The following HNRNPC variants were observed in gnomAD, a reference collection of about 807,000 sequenced individuals.
HNRNPC encodes the protein heterogeneous nuclear ribonucleoprotein C.
In HNRNPC, 3 loss-of-function variants were observed where a neutral mutation model predicts 33.2. The ratio of observed to expected loss-of-function variants is 0.09; its 90% CI spans 0.04 to 0.23. The LOEUF is 0.23. Among genes scored for constraint, HNRNPC ranks in the 10% least tolerant of loss-of-function variants. The pLI is 1.00. For missense variants in HNRNPC, 143 were observed against 366.7 expected (o/e 0.39, Z 4.98); for synonymous variants, 121 against 126.7 (o/e 0.96, Z 0.30).
chr14:21,230,685 G>A (rs1894014698), intron 4 of HNRNPC: 1 of 479,926 alleles, frequency 2.1e-6, no homozygotes, highest in African/African-American at 2.0e-5. Flanking sequence ...ACTCTCTAGT[G>A]TCTTAGAAGC....
chr14:21,249,601 A>C (rs917358869), intron 2 of HNRNPC, among the ~76,000 whole-genome samples: 20 of 146,508 alleles, frequency 1.4e-4, no homozygotes, highest in African/African-American at 4.7e-4. Context: ...AACAAAAAAA[A>C]AAAAAAAAAA....
chr14:21,223,710 T>G (rs149491668), intron 5 of HNRNPC, among the ~76,000 whole-genome samples: 1 of 152,192 alleles, frequency 6.6e-6, no homozygotes, highest in Non-Finnish European at 1.5e-5. Context: ...GATGCGCCAC[T>G]GCACTCGAGC....
chr14:21,245,566 A>G (rs969663502), intron 2 of HNRNPC, among the ~76,000 whole-genome samples: 6 of 152,142 alleles, frequency 3.9e-5, no homozygotes, highest in African/African-American at 1.4e-4. Flanking sequence ...AGCTTTTAGG[A>G]CTGAACGTTG....
chr14:21,268,441 CA>C (rs369801709), intron 1 of HNRNPC, among the ~76,000 whole-genome samples: 1 of 152,112 alleles, frequency 6.6e-6, no homozygotes, highest in Non-Finnish European at 1.5e-5. Context: ...AGGTTCTTGG[CA>C]AAGATTGCAA....
intron 2 of HNRNPC, among the ~76,000 whole-genome samples, chr14:21,257,339 T>G (rs1040645756): frequency 6.6e-6 from 1 of 152,004 alleles, no homozygotes; most frequent in African/African-American, 2.4e-5. Flanking sequence ...AGAAAGAAGT[T>G]TAACATGTAA....
At chr14:21,248,180 C>G (rs1896213155) in intron 2 of HNRNPC, among the ~76,000 whole-genome samples, 1 of 151,762 alleles carries the variant, frequency 6.6e-6, no homozygotes. Flanking sequence ...TTATCTCCAC[C>G]AAAATTAAAA....
chr14:21,229,969 C>T (rs976438992), intron 5 of HNRNPC, among the ~76,000 whole-genome samples: 5 of 152,198 alleles, frequency 3.3e-5, no homozygotes, highest in Non-Finnish European at 7.3e-5. Context: ...TGGTAACACT[C>T]TTAAGCACAT....
At chr14:21,227,531 T>A (rs2139600896) in intron 5 of HNRNPC, among the ~76,000 whole-genome samples, 1 of 152,332 alleles carries the variant, frequency 6.6e-6, no homozygotes, top group South Asian at 2.1e-4. Context: ...CGGTTTTGCT[T>A]TTTACCGTTC....
chr14:21,267,113 A>C (rs1238903741), intron 1 of HNRNPC, among the ~76,000 whole-genome samples: 57 of 64,788 alleles, frequency 8.8e-4, no homozygotes, highest in South Asian at 2.9e-3. Flanking sequence ...AAAAAAAAAA[A>C]AAAAAAAAAA....
At chr14:21,266,423 T>G (rs1371474307) in intron 1 of HNRNPC, among the ~76,000 whole-genome samples, 1 of 152,064 alleles carries the variant, frequency 6.6e-6, no homozygotes. Flanking sequence ...TTAAACAAAA[T>G]GCCTGACCTT....
rs76691950 is a variant in HNRNPC, at chr14:21,233,251, A to G, written c.241+702T>C. Among the ~76,000 whole-genome samples, 924 of 152,334 alleles carry G rather than the reference A, an allele frequency of 6.1e-3. 10 individuals are homozygous for G. Among genetic ancestry groups the G allele is most frequent in the African/African-American group, 0.02 (831 of 41,572 alleles). On this transcript the variant is annotated intron_variant, in intron 3 of 8. Coordinates refer to ENST00000553300, the MANE Select transcript of HNRNPC (RefSeq NM_004500.4). ...AAATTATGTATCTGGTTGGTTACAT[A>G]ACATTATCAAAGAATTGTTTCACAT...
At chr14:21,263,427 C>G (rs1411097923) in intron 1 of HNRNPC, 91 bp from the exon 2 acceptor site, 1 of 152,240 alleles carries the variant, frequency 6.6e-6, no homozygotes, top group Non-Finnish European at 1.5e-5. Flanking sequence ...TTTTCTCTTT[C>G]CAAAAGCAGT....
At chr14:21,238,473 G>T (rs74037744) in intron 2 of HNRNPC, among the ~76,000 whole-genome samples, 44 of 152,230 alleles carry the variant, frequency 2.9e-4, no homozygotes, top group African/African-American at 1.0e-3. Context: ...CAGTTTCTCT[G>T]TATTTCCCAA....
At chr14:21,221,918 G>T (rs1359319319) in intron 5 of HNRNPC, among the ~76,000 whole-genome samples, 1 of 151,400 alleles carries the variant, frequency 6.6e-6, no homozygotes, top group African/African-American at 2.4e-5. Flanking sequence ...GCGTGGTGGC[G>T]GGCACCTGTA....
At position 21,217,622 on chromosome 14, in the gene HNRNPC, T is replaced by C. The variant is rs142780909; in HGVS notation, c.366-4505A>G. ...AACATACCTACTACCAAAGAATAGG[T>C]AGCAATAGCTCCTATACTGAGCCAA... On this transcript the variant is annotated intron_variant, in intron 5 of 8. Transcript: ENST00000553300. Among the ~76,000 whole-genome samples, 1,214 of 152,318 alleles carry C rather than the reference T, an allele frequency of 8.0e-3. 20 individuals are homozygous for C. The highest frequency in any genetic ancestry group is 0.028 in the African/African-American group (1,157 of 41,576).
intron 2 of HNRNPC, among the ~76,000 whole-genome samples, chr14:21,244,242 G>A (rs1022949796): frequency 4.6e-5 from 7 of 152,114 alleles, no homozygotes; most frequent in Admixed American, 2.0e-4. Context: ...CAGGTGATCC[G>A]CCGACCTCCA....
chr14:21,242,532 A>C (rs1052808364), intron 2 of HNRNPC, among the ~76,000 whole-genome samples: 5 of 152,196 alleles, frequency 3.3e-5, no homozygotes, highest in African/African-American at 1.2e-4. Context: ...ATTGGTGAGG[A>C]CTTAACACCA....
rs1879038137 is a variant in HNRNPC, at chr14:21,266,712, AAAT to A, written c.-63+2583_-63+2585del. On this transcript the variant is annotated intron_variant, in intron 1 of 8. Transcript: ENST00000553300. ...ATACATGAATATGCATATTAAGAGC[AAAT>A]AATGCTCCCCAGAGACAACTACTAA... 2.6e-5 allele frequency among the ~76,000 whole-genome samples: 4 copies of A among 151,012 alleles called. No individual in the cohort carries two copies. The Admixed American group carries it at 2.7e-4, about 10-fold the overall frequency.
At position 21,230,427 on chromosome 14, in the gene HNRNPC, G is replaced by A. The variant is rs144392015; in HGVS notation, c.318-61C>T. ...ATGTTTCTACTAATTCACAATGTCAGGTGAGGGGAGAACCATGCCAAATAA... is the reference window on the plus strand; with the variant it reads ...ATGTTTCTACTAATTCACAATGTCAAGTGAGGGGAGAACCATGCCAAATAA... On this transcript the variant is annotated intron_variant, in intron 4 of 8. Coordinates refer to ENST00000553300, the MANE Select transcript of HNRNPC (RefSeq NM_004500.4). The A allele has an allele frequency of 3.9e-5, 48 of 1,217,296 alleles. No homozygotes were observed. The African/African-American group carries it at 5.4e-4, about 14-fold the overall frequency. The allele number at this position is 1,217,296 out of a possible 1,614,324, so 75.4% of individuals were successfully genotyped here.
Sources: gnomAD v4.1 joint callset for allele counts (sites outside exome capture counted in the v4.1 genomes callset) on GRCh38, gnomAD v4.1.1 for gene constraint, MANE v1.5 for transcripts, NCBI Gene and HGNC (gene_info 2026-07-23, HGNC 2026-07-21) for gene names.